RSBN1: variants seen among roughly 807,000 people sequenced by gnomAD.
The protein encoded by RSBN1 is lysine-specific demethylase 9.
In RSBN1, 23 loss-of-function variants were observed where a neutral mutation model predicts 74.8. The observed-to-expected ratio is 0.31, with a 90% CI of 0.22 to 0.44. The LOEUF (loss-of-function observed/expected upper bound fraction) is 0.44. RSBN1 is among the 20% of genes least tolerant of loss of function. The pLI is 1.00. For synonymous variants in RSBN1, 407 were observed against 379.6 expected (o/e 1.07, Z -0.84); for missense variants, 808 against 1,020.9 (o/e 0.79, Z 2.84).
Position 113,812,304 on chromosome 1 carries a change from C to T in RSBN1, c.109G>A (p.Ala37Thr), listed in dbSNP as rs764216880. 6.9e-6 allele frequency: 11 copies of T among 1,603,582 alleles called. No homozygotes were observed. Among genetic ancestry groups the T allele is most frequent in the Admixed American group, 3.3e-5 (2 of 59,938 alleles). ...AACACACATTTAAATGGCCCGACCG[C>T]CCCCCCGTCCGCGCATCGCGCAAGC... ...AALARCADGG[A>T]VGPFKCVFVG... Residue 37 changes from alanine (A) to threonine (T), a missense_variant, in exon 1 of 7, where the codon GCG (alanine) becomes ACG (threonine). Ala to Thr is a moderately conservative substitution (Grantham distance 58). This residue lies in a region of RSBN1 where 464 missense variants were observed against 401.0 expected (regional missense o/e 1.16). Coordinates refer to ENST00000261441, the MANE Select transcript of RSBN1 (RefSeq NM_018364.5).
Position 113,812,279 on chromosome 1 carries a change from A to C in RSBN1, c.134T>G (p.Phe45Cys). Residue 45 changes from phenylalanine (F) to cysteine (C), a missense_variant, in exon 1 of 7, where the codon TTT becomes TGT. Phe to Cys is a radical substitution (Grantham distance 205). This residue lies in a region of RSBN1 where 464 missense variants were observed against 401.0 expected (regional missense o/e 1.16). Coordinates refer to ENST00000261441, the MANE Select transcript of RSBN1 (RefSeq NM_018364.5). The part of the protein sequence containing the change: ...GGAVGPFKCV[F>C]VGEMAAQVGA... The stretch of plus-strand genomic sequence containing the variant: ...GACCTGCGCAGCCATTTCACCCACA[A>C]ACACACATTTAAATGGCCCGACCGC... The C allele has an allele frequency of 6.2e-7, 1 of 1,605,272 alleles. No homozygotes were observed. Among genetic ancestry groups the C allele is most frequent in the Non-Finnish European group, 8.5e-7 (1 of 1,179,792 alleles).
At chr1:113,792,171 C>T (rs1660379694) in intron 2 of RSBN1, among the ~76,000 whole-genome samples, 1 of 152,164 alleles carries the variant, frequency 6.6e-6, no homozygotes, top group East Asian at 1.9e-4. Context: ...ATACTTAAAA[C>T]ATGCAGATTT....
chr1:113,789,775 G>A (rs985306773), intron 2 of RSBN1, among the ~76,000 whole-genome samples: 1 of 152,212 alleles, frequency 6.6e-6, no homozygotes, highest in Non-Finnish European at 1.5e-5. Context: ...CTTCTGTGTT[G>A]ATTGCTGTTG....
chr1:113,807,800 TACACACACACAC>T (rs59928174), intron 1 of RSBN1, among the ~76,000 whole-genome samples: 4 of 144,608 alleles, frequency 2.8e-5, no homozygotes, highest in African/African-American at 1.0e-4. Flanking sequence ...TGTATATGTA[TACACACACACAC>T]ACACACACAC....
chr1:113,788,355 T>TG (rs1660300400), intron 2 of RSBN1, among the ~76,000 whole-genome samples: 1 of 151,706 alleles, frequency 6.6e-6, no homozygotes, highest in Non-Finnish European at 1.5e-5. Context: ...AAAAGGGTGG[T>TG]GGGGGGTAGG....
chr1:113,777,749 G>A lies in RSBN1; in HGVS notation c.1437C>T (p.Leu479=), dbSNP rs1487919197. ...YRAGPMRQIS[L]VGAVDEEVGD... ...CAACTTCTTCATCTACTGCTCCAAC[G>A]AGACTTATCTGCCGCATAGGACCTG... is the stretch of plus-strand genomic sequence containing the variant. Residue 479 remains leucine (L), a synonymous_variant, in exon 3 of 7, where the codon CTC becomes CTT. Coordinates refer to ENST00000261441, the MANE Select transcript of RSBN1 (RefSeq NM_018364.5). The A allele has an allele frequency of 1.3e-5, 21 of 1,610,880 alleles. No homozygotes were observed. Among genetic ancestry groups the A allele is most frequent in the South Asian group, 7.7e-5 (7 of 90,626 alleles).
chr1:113,795,428 T>C (rs1409773382), intron 2 of RSBN1, among the ~76,000 whole-genome samples: 6 of 152,360 alleles, frequency 3.9e-5, no homozygotes, highest in South Asian at 2.1e-4. Flanking sequence ...TTTGAACTAC[T>C]GTGTTAACTT....
rs755996201 is a variant in RSBN1 at position 113,766,259 on chromosome 1, G to A, written c.2130C>T (p.Ala710=). 3 of 1,614,076 alleles carry A rather than the reference G, an allele frequency of 1.9e-6. No homozygotes were observed. Among genetic ancestry groups the A allele is most frequent in the South Asian group, 2.2e-5 (2 of 91,082 alleles). ...RLKQYHPVVE[A]TQNTESNSNM... ...TAGAATTGCTTTCTGTGTTTTGAGTGGCTTCCACAACAGGGTGGTACTGTT... is the reference window on the plus strand; with the variant it reads ...TAGAATTGCTTTCTGTGTTTTGAGTAGCTTCCACAACAGGGTGGTACTGTT... Residue 710 remains alanine (A), a synonymous_variant, in exon 7 of 7, where the codon GCC becomes GCT. Transcript: ENST00000261441.
intron 4 of RSBN1, 116 bp from the exon 5 acceptor site, chr1:113,768,505 T>C: frequency 4.5e-6 from 3 of 661,504 alleles, no homozygotes; most frequent in South Asian, 4.3e-5. Flanking sequence ...TTAAATAAGA[T>C]GAGGACTGAG....
chr1:113,765,799 C>G lies in RSBN1; in HGVS notation c.*181G>C. On this transcript the variant is annotated 3_prime_UTR_variant, in exon 7 of 7. Transcript: ENST00000261441. ...CATACTGTACTAACGGGATAAGATA[C>G]AACTCTTAACTTTGCATAATCTGTG... 1.7e-6 allele frequency: 1 copy of G among 597,878 alleles called. No homozygotes were observed. Among genetic ancestry groups the G allele is most frequent in the Non-Finnish European group, 2.9e-6 (1 of 339,676 alleles). The allele number at this position is 597,878 out of a possible 1,614,324, so 37.0% of individuals were successfully genotyped here.
intron 2 of RSBN1, among the ~76,000 whole-genome samples, chr1:113,794,810 C>T (rs940636704): frequency 3.3e-5 from 5 of 152,174 alleles, no homozygotes; most frequent in Non-Finnish European, 7.4e-5. Flanking sequence ...CTAGACTGAG[C>T]TCATCAATTA....
At chr1:113,786,745 C>T (rs1046947141) in intron 2 of RSBN1, among the ~76,000 whole-genome samples, 2 of 152,052 alleles carry the variant, frequency 1.3e-5, no homozygotes, top group Admixed American at 6.6e-5. Context: ...CCAAGGCAGG[C>T]GGATCACTTG....
intron 4 of RSBN1, among the ~76,000 whole-genome samples, chr1:113,772,131 T>C (rs1432633564): frequency 6.6e-6 from 1 of 152,064 alleles, no homozygotes; most frequent in African/African-American, 2.4e-5. Flanking sequence ...TATTTTAGAA[T>C]CCACTTATTG....
At chr1:113,806,835 T>TA (rs1660707722) in intron 1 of RSBN1, among the ~76,000 whole-genome samples, 1 of 72,958 alleles carries the variant, frequency 1.4e-5, no homozygotes, top group Admixed American at 1.5e-4. Context: ...ACCCTGCCTC[T>TA]ATCAAAAAAA....
chr1:113,797,226 A>T, intron 2 of RSBN1, 137 bp downstream of exon 2: 1 of 709,510 alleles, frequency 1.4e-6, no homozygotes, highest in Non-Finnish European at 2.3e-6. Flanking sequence ...AATTAGAGGA[A>T]GAGACAAACA....
At chr1:113,777,188 T>C (rs1660049463) in intron 4 of RSBN1, 22 bp downstream of exon 4, 2 of 1,596,594 alleles carry the variant, frequency 1.3e-6, no homozygotes, top group African/African-American at 2.7e-5. Flanking sequence ...GTTTTGCTTA[T>C]TTGAGAAAAA....
intron 2 of RSBN1, among the ~76,000 whole-genome samples, chr1:113,789,563 T>G (rs568986582): frequency 1.3e-5 from 2 of 152,290 alleles, no homozygotes; most frequent in East Asian, 3.9e-4. Context: ...TTGAAGCCAG[T>G]TGGTCAGAAG....
Position 113,797,662 on chromosome 1 carries a change from T to G in RSBN1, c.1078A>C (p.Ile360Leu). 1 of 1,614,094 alleles carries G rather than the reference T, an allele frequency of 6.2e-7. No homozygotes were observed. Among genetic ancestry groups the G allele is most frequent in the Non-Finnish European group, 8.5e-7 (1 of 1,180,002 alleles). Residue 360 changes from isoleucine to leucine, a missense_variant, in exon 2 of 7, where the codon ATT (isoleucine) becomes CTT (leucine). By Grantham distance (5) the Ile-to-Leu change is conservative (BLOSUM62 2). Coordinates refer to ENST00000261441, the MANE Select transcript of RSBN1 (RefSeq NM_018364.5). ...LKTGTKFSNF[I>L]HEEHQSNGGA... ...CCATTGGACTGGTGTTCCTCATGAA[T>G]AAAGTTGCTAAATTTAGTACCTGTT...
intron 1 of RSBN1, among the ~76,000 whole-genome samples, chr1:113,806,332 C>CAA (rs529369551): frequency 5.0e-5 from 5 of 99,836 alleles, no homozygotes; most frequent in Non-Finnish European, 8.2e-5. Context: ...GACTCTGTCT[C>CAA]AAAAAAAAAA....
Sources: gnomAD v4.1 joint callset for allele counts (sites outside exome capture counted in the v4.1 genomes callset) on GRCh38, gnomAD v4.1.1 for gene constraint, gnomAD v4.1.1 regional missense constraint, MANE v1.5 for transcripts, NCBI Gene and HGNC (gene_info 2026-07-23, HGNC 2026-07-21) for gene names.